The following PDE3A variants were observed in gnomAD, a reference collection of about 807,000 sequenced individuals.
PDE3A encodes phosphodiesterase 3A.
In PDE3A, 43 loss-of-function variants were observed where a neutral mutation model predicts 98.3. The ratio of observed to expected loss-of-function variants is 0.44; its 90% CI spans 0.34 to 0.56. PDE3A has a LOEUF of 0.56. PDE3A is among the 20% of genes least tolerant of loss of function. The pLI, the probability that PDE3A is intolerant of heterozygous loss-of-function variation, is 0.01. For missense variants in PDE3A, 1,427 were observed against 1,440.7 expected (o/e 0.99, Z 0.15); for synonymous variants, 663 against 567.9 (o/e 1.17, Z -2.38).
chr12:20,636,123 C>A (rs1199270581), intron 8 of PDE3A, among the ~76,000 whole-genome samples: 2 of 152,154 alleles, frequency 1.3e-5, no homozygotes, highest in African/African-American at 4.8e-5. Context: ...AGAACATGAA[C>A]CAATATTTGT....
chr12:20,384,704 C>T (rs1943719748), intron 1 of PDE3A, among the ~76,000 whole-genome samples: 1 of 151,938 alleles, frequency 6.6e-6, no homozygotes, highest in South Asian at 2.1e-4. Flanking sequence ...ACCCGACAGA[C>T]TCCAGCATGT....
At chr12:20,507,703 G>A (rs1946145321) in intron 1 of PDE3A, among the ~76,000 whole-genome samples, 1 of 152,026 alleles carries the variant, frequency 6.6e-6, no homozygotes, top group African/African-American at 2.4e-5. Context: ...AATCCTGAAG[G>A]CATCTCTGAC....
chr12:20,611,017 G>A (rs1014298967), intron 2 of PDE3A, among the ~76,000 whole-genome samples: 2 of 151,796 alleles, frequency 1.3e-5, no homozygotes, highest in African/African-American at 4.8e-5. Flanking sequence ...TTGTATTACA[G>A]ATTTTTGTTA....
At chr12:20,478,801 C>A (rs1013813673) in intron 1 of PDE3A, among the ~76,000 whole-genome samples, 2 of 152,070 alleles carry the variant, frequency 1.3e-5, no homozygotes, top group African/African-American at 4.8e-5. Flanking sequence ...ATTATTAATT[C>A]TAATGTAAAA....
chr12:20,503,187 A>G (rs1348590534), intron 1 of PDE3A, among the ~76,000 whole-genome samples: 2 of 152,050 alleles, frequency 1.3e-5, no homozygotes, highest in Non-Finnish European at 2.9e-5. Context: ...TTTAGAACTT[A>G]GTTCACCACA....
At chr12:20,622,561 G>A (rs1218866301) in intron 5 of PDE3A, among the ~76,000 whole-genome samples, 3 of 152,044 alleles carry the variant, frequency 2.0e-5, no homozygotes, top group East Asian at 1.9e-4. Context: ...TTGTCACTTA[G>A]AAGTCATTAT....
chr12:20,663,478 G>T (rs954151761), intron 15 of PDE3A, among the ~76,000 whole-genome samples: 12 of 142,494 alleles, frequency 8.4e-5, no homozygotes, highest in South Asian at 2.2e-4. Context: ...AAAGCCACAG[G>T]GGCAAAGCTG....
intron 1 of PDE3A, among the ~76,000 whole-genome samples, chr12:20,429,403 C>T (rs946921090): frequency 2.6e-5 from 4 of 152,324 alleles, no homozygotes; most frequent in Non-Finnish European, 5.9e-5. Flanking sequence ...GAGAGTGCTG[C>T]AGGCTACAGC....
Position 20,684,172 on chromosome 12 carries a change from A to G in PDE3A, c.*3901A>G, listed in dbSNP as rs1945884661. On this transcript the variant is annotated 3_prime_UTR_variant, in exon 16 of 16. Transcript: ENST00000359062. ...ATGAGAAGTGAATAATCTAAAAATC[A>G]TTTATATTCTACTGTGGGAGGTATT... 6.6e-6 allele frequency: 1 copy of G among 152,162 alleles called. No individual in the cohort carries two copies. The highest frequency in any genetic ancestry group is 1.5e-5 in the Non-Finnish European group (1 of 68,008). The allele number at this position is 152,162 out of a possible 1,614,324, so 9.4% of individuals were successfully genotyped here.
At chr12:20,480,677 T>A (rs1945606563) in intron 1 of PDE3A, among the ~76,000 whole-genome samples, 1 of 152,226 alleles carries the variant, frequency 6.6e-6, no homozygotes, top group African/African-American at 2.4e-5. Context: ...ATTATGTAAC[T>A]TTGATTTTTC....
chr12:20,482,543 G>A (rs7961732), intron 1 of PDE3A, among the ~76,000 whole-genome samples: 152,288 of 152,354 alleles, frequency 1, 76,112 homozygotes, highest in Non-Finnish European at 1. Context: ...CAAGCTGGCT[G>A]AGCTATAATA....
Position 20,369,278 on chromosome 12 carries a change from C to G in PDE3A, c.-7C>G. 1 of 1,507,474 alleles carries G rather than the reference C, an allele frequency of 6.6e-7. No individual in the cohort carries two copies. Among genetic ancestry groups the G allele is most frequent in the Non-Finnish European group, 8.9e-7 (1 of 1,123,446 alleles). The allele number at this position is 1,507,474 out of a possible 1,614,324, so 93.4% of individuals were successfully genotyped here. A position where few individuals can be genotyped will look rare whatever the true frequency, so the allele number is the denominator to read the frequency against. ...CTGGGAATTCAGTGAAGAGGGCACCCTATACCATGGCAGTGCCCGGCGACG... is the reference window on the plus strand; with the variant it reads ...CTGGGAATTCAGTGAAGAGGGCACCGTATACCATGGCAGTGCCCGGCGACG... On this transcript the variant is annotated 5_prime_UTR_variant, in exon 1 of 16. Coordinates refer to ENST00000359062, the MANE Select transcript of PDE3A (RefSeq NM_000921.5).
At chr12:20,495,049 AAATCATT>A (rs1414378403) in intron 1 of PDE3A, among the ~76,000 whole-genome samples, 1 of 152,188 alleles carries the variant, frequency 6.6e-6, no homozygotes, top group African/African-American at 2.4e-5. Context: ...TGTCTGTCTA[AAATCATT>A]CAATTTGAGA....
At chr12:20,401,015 G>A (rs1382817223) in intron 1 of PDE3A, among the ~76,000 whole-genome samples, 1 of 152,112 alleles carries the variant, frequency 6.6e-6, no homozygotes, top group Non-Finnish European at 1.5e-5. Context: ...GTTTGGGTCC[G>A]GGTCTGTCTT....
chr12:20,426,718 C>T (rs1005302821), intron 1 of PDE3A, among the ~76,000 whole-genome samples: 1 of 152,202 alleles, frequency 6.6e-6, no homozygotes, highest in African/African-American at 2.4e-5. Flanking sequence ...AATGAAAGTA[C>T]CATGTATATT....
chr12:20,620,745 A>G (rs1290829048), intron 4 of PDE3A, among the ~76,000 whole-genome samples: 1 of 151,980 alleles, frequency 6.6e-6, no homozygotes, highest in Non-Finnish European at 1.5e-5. Context: ...CATTGTTGGC[A>G]TGTCCCTTTT....
chr12:20,397,497 C>A (rs893755337), intron 1 of PDE3A, among the ~76,000 whole-genome samples: 1 of 151,820 alleles, frequency 6.6e-6, no homozygotes, highest in Non-Finnish European at 1.5e-5. Context: ...ATACTAAAAA[C>A]AATTTATCAA....
intron 1 of PDE3A, among the ~76,000 whole-genome samples, chr12:20,536,732 T>C (rs866491030): frequency 6.6e-6 from 1 of 152,128 alleles, no homozygotes; most frequent in Non-Finnish European, 1.5e-5. Flanking sequence ...CATTTCTTTT[T>C]GTTGCCAAAT....
chr12:20,446,557 A>G (rs749812171), intron 1 of PDE3A, among the ~76,000 whole-genome samples: 8 of 152,154 alleles, frequency 5.3e-5, no homozygotes, highest in Non-Finnish European at 8.8e-5. Context: ...CCTGGATGCC[A>G]GGTATACATC....
Sources: allele counts gnomAD v4.1 joint callset (sites outside exome capture counted in the v4.1 genomes callset), GRCh38; gene constraint gnomAD v4.1.1; transcripts MANE v1.5; gene names NCBI Gene and HGNC (gene_info 2026-07-23, HGNC 2026-07-21).